NCBP2: variants seen among roughly 807,000 people sequenced by gnomAD.
The protein encoded by NCBP2 is nuclear cap-binding protein subunit 2.
In NCBP2, 8 loss-of-function variants were observed where a neutral mutation model predicts 21.5. The observed-to-expected ratio is 0.37, with a 90% CI of 0.22 to 0.67. The LOEUF (loss-of-function observed/expected upper bound fraction) is 0.67. NCBP2 is among the 30% of genes least tolerant of loss of function. The pLI is 0.56. For missense variants in NCBP2, 127 were observed against 206.9 expected (o/e 0.61, Z 2.37); for synonymous variants, 92 against 75.8 (o/e 1.21, Z -1.11).
At chr3:196,941,477 C>T (rs1716560732) in intron 1 of NCBP2, 1 of 171,664 alleles carries the variant, frequency 5.8e-6, no homozygotes, top group Non-Finnish European at 1.2e-5. Context: ...CACACATTCT[C>T]CACACTTACC....
chr3:196,936,806 A>T lies in NCBP2; in HGVS notation c.*205T>A, dbSNP rs1490979992. 7 of 589,038 alleles carry T rather than the reference A, an allele frequency of 1.2e-5. No homozygotes were observed. Among genetic ancestry groups the T allele is most frequent in the Non-Finnish European group, 1.8e-5 (6 of 331,068 alleles). 36.5% of individuals were successfully genotyped at this position (589,038 alleles called of 1,614,324 possible). ...ACCTGGTAACAAAATTGTTCTGATA[A>T]TCTGACACATGGCCAAGATTCTCAG... On this transcript the variant is annotated 3_prime_UTR_variant, in exon 4 of 4. Transcript: ENST00000321256.
In NCBP2 at chr3:196,936,686, C is replaced by G. The variant is rs1187378612; in HGVS notation, c.*325G>C. 1 of 333,880 alleles carries G rather than the reference C, an allele frequency of 3.0e-6. No individual in the cohort carries two copies. The highest frequency in any genetic ancestry group is 4.4e-5 in the Admixed American group (1 of 22,518). 20.7% of individuals were successfully genotyped at this position (333,880 alleles called of 1,614,324 possible). On this transcript the variant is annotated 3_prime_UTR_variant, in exon 4 of 4. Transcript: ENST00000321256. ...AGACTCATTATGGTAAAAACAAATT[C>G]TTACATTTTTCTGTCTTTCTAAAAG... is the stretch of plus-strand genomic sequence containing the variant.
At chr3:196,941,435 A>G in intron 1 of NCBP2, 1 of 156,044 alleles carries the variant, frequency 6.4e-6, no homozygotes. Context: ...CGTCAAACAA[A>G]ATTTCCCTTT....
intron 1 of NCBP2, chr3:196,942,039 A>G (rs996985043): frequency 2.6e-6 from 4 of 1,535,352 alleles, no homozygotes; most frequent in Admixed American, 2.0e-5. Flanking sequence ...CCGCATCTGC[A>G]TCAGGAAGGC....
Position 196,936,860 on chromosome 3 carries a change from C to A in NCBP2, c.*151G>T. 1.5e-6 allele frequency: 1 copy of A among 683,004 alleles called. No homozygotes were observed. The highest frequency in any genetic ancestry group is 2.6e-6 in the Non-Finnish European group (1 of 391,062). The allele number at this position is 683,004 out of a possible 1,614,324, so 42.3% of individuals were successfully genotyped here. On this transcript the variant is annotated 3_prime_UTR_variant, in exon 4 of 4. Transcript: ENST00000321256. ...AGAATTAAAGGCATTCTTTTGGATT[C>A]TGTCCTTTAATAACTTTCAGAGGCT... is the stretch of plus-strand genomic sequence containing the variant.
At position 196,936,047 on chromosome 3, in the gene NCBP2, GAATA is replaced by G. The variant is rs955290978; in HGVS notation, c.*960_*963del. 6.6e-6 allele frequency: 1 copy of G among 152,154 alleles called. No homozygotes were observed. Among genetic ancestry groups the G allele is most frequent in the African/African-American group, 2.4e-5 (1 of 41,444 alleles). 9.4% of individuals were successfully genotyped at this position (152,154 alleles called of 1,614,324 possible). On this transcript the variant is annotated 3_prime_UTR_variant, in exon 4 of 4. Transcript: ENST00000321256. ...TTCCCAACATCACTGAAAATGAAAA[GAATA>G]AACTTGCTGGTCCTCATGTCAAGGC...
At chr3:196,942,120 C>A in intron 1 of NCBP2, 1 of 1,471,444 alleles carries the variant, frequency 6.8e-7, no homozygotes, top group South Asian at 1.4e-5. Context: ...GGAGGCACAA[C>A]CGTGGAAACG....
intron 1 of NCBP2, chr3:196,939,733 G>A (rs1234175416): frequency 2.0e-5 from 6 of 294,296 alleles, no homozygotes; most frequent in African/African-American, 1.1e-4. Context: ...ATCCTCAGCA[G>A]TGCATCCTTT....
rs180792675 is a variant in NCBP2 at position 196,936,782 on chromosome 3, C to G, written c.*229G>C. On this transcript the variant is annotated 3_prime_UTR_variant, in exon 4 of 4. Coordinates refer to ENST00000321256, the MANE Select transcript of NCBP2 (RefSeq NM_007362.5). ...TGTTGTCAAAGAACACAATTTCTGA[C>G]CTGGTAACAAAATTGTTCTGATAAT... is the stretch of plus-strand genomic sequence containing the variant. 2 of 571,370 alleles carry G rather than the reference C, an allele frequency of 3.5e-6. No individual in the cohort carries two copies. Among genetic ancestry groups the G allele is most frequent in the East Asian group, 2.9e-5 (1 of 34,380 alleles). The allele number at this position is 571,370 out of a possible 1,614,324, so 35.4% of individuals were successfully genotyped here.
chr3:196,942,477 C>T lies in NCBP2; in HGVS notation c.27G>A (p.Leu9=). The change falls in exon 1 of 4, where the codon CTG becomes CTA. Residue 9 remains leucine, a synonymous_variant. Transcript: ENST00000321256. MSGGLLKA[L]RSDSYVELSQ... ...TCAGCTCCACGTAGGAGTCGCTGCGCAGCGCCTTCAGGAGGCCACCCGACA... is the reference window on the plus strand; with the variant it reads ...TCAGCTCCACGTAGGAGTCGCTGCGTAGCGCCTTCAGGAGGCCACCCGACA... The T allele has an allele frequency of 6.2e-7, 1 of 1,613,270 alleles. No individual in the cohort carries two copies. The highest frequency in any genetic ancestry group is 8.5e-7 in the Non-Finnish European group (1 of 1,179,932).
chr3:196,937,688 C>T (rs1716332325), intron 2 of NCBP2, 40 bp from the exon 3 acceptor site: 1 of 1,607,766 alleles, frequency 6.2e-7, no homozygotes, highest in Non-Finnish European at 8.5e-7. Context: ...CCAAACATTT[C>T]TGGAAATAGG....
rs964742421 is a variant in NCBP2 at position 196,942,094 on chromosome 3, C to T, written c.78+332G>A. On this transcript the variant is annotated intron_variant, in intron 1 of 3. Coordinates refer to ENST00000321256, the MANE Select transcript of NCBP2 (RefSeq NM_007362.5). Reference sequence around the variant, plus strand: ...GAGAGAAGGGCACCCCTCCCCCTTGCTACGTAGTCGTCTGCGGAGGCACAA... The same window carrying T: ...GAGAGAAGGGCACCCCTCCCCCTTGTTACGTAGTCGTCTGCGGAGGCACAA... 8 of 1,499,086 alleles carry T rather than the reference C, an allele frequency of 5.3e-6. No homozygotes were observed. In the African/African-American group the frequency reaches 1.1e-4, roughly 21 times the overall value. 92.9% of individuals were successfully genotyped at this position (1,499,086 alleles called of 1,614,324 possible).
intron 1 of NCBP2, chr3:196,941,659 T>A: frequency 1.8e-6 from 1 of 545,554 alleles, no homozygotes; most frequent in South Asian, 2.4e-5. Context: ...ACTAAATAAT[T>A]GGGTTAATGA....
chr3:196,936,798 TTC>T lies in NCBP2; in HGVS notation c.*211_*212del, dbSNP rs1435794262. On this transcript the variant is annotated 3_prime_UTR_variant, in exon 4 of 4. Transcript: ENST00000321256. ...AATTTCTGACCTGGTAACAAAATTG[TTC>T]TGATAATCTGACACATGGCCAAGAT... The T allele has an allele frequency of 1.7e-6, 1 of 583,490 alleles. No homozygotes were observed. Among genetic ancestry groups the T allele is most frequent in the Non-Finnish European group, 3.1e-6 (1 of 327,514 alleles). 36.1% of individuals were successfully genotyped at this position (583,490 alleles called of 1,614,324 possible).
At chr3:196,941,137 G>A in intron 1 of NCBP2, 1 of 151,132 alleles carries the variant, frequency 6.6e-6, no homozygotes, top group Middle Eastern at 3.2e-3. Flanking sequence ...TCGCTCTGTT[G>A]CCCAGGCTGG....
At chr3:196,937,674 T>G in intron 2 of NCBP2, 26 bp from the exon 3 acceptor site, 2 of 1,610,464 alleles carry the variant, frequency 1.2e-6, no homozygotes, top group Admixed American at 1.7e-5. Context: ...ACACTAGCAT[T>G]TTTCCAAACA....
chr3:196,937,173 T>C, intron 3 of NCBP2, 91 bp from the exon 4 acceptor site: 1 of 1,201,850 alleles, frequency 8.3e-7, no homozygotes, highest in Non-Finnish European at 1.2e-6. Flanking sequence ...CAGTGAAACC[T>C]GTTCAGATGC....
rs1716619615 is a variant in NCBP2 at position 196,942,164 on chromosome 3, C to G, written c.78+262G>C. 7 of 1,460,302 alleles carry G rather than the reference C, an allele frequency of 4.8e-6. No individual in the cohort carries two copies. The East Asian group carries it at 1.2e-4, about 26-fold the overall frequency. 90.5% of individuals were successfully genotyped at this position (1,460,302 alleles called of 1,614,324 possible). A position where few individuals can be genotyped will look rare whatever the true frequency, so the allele number is the denominator to read the frequency against. ...CACCACCACCACCGCTCAAACCTCTCGGCACTGGCTGGGGTACAGGGAGCG... is the reference window on the plus strand; with the variant it reads ...CACCACCACCACCGCTCAAACCTCTGGGCACTGGCTGGGGTACAGGGAGCG... On this transcript the variant is annotated intron_variant, in intron 1 of 3. Transcript: ENST00000321256.
At chr3:196,942,187 G>A in intron 1 of NCBP2, 5 of 1,454,904 alleles carry the variant, frequency 3.4e-6, no homozygotes, top group Non-Finnish European at 4.5e-6. Context: ...GGTACAGGGA[G>A]CGGCTGCGAG....
Sources: allele counts gnomAD v4.1 joint callset, GRCh38; gene constraint gnomAD v4.1.1; transcripts MANE v1.5; gene names NCBI Gene and HGNC (gene_info 2026-07-23, HGNC 2026-07-21).